Variants in TMEM45B observed in about 807,000 individuals in gnomAD.
The protein encoded by TMEM45B is transmembrane protein 45B.
Under a neutral mutation model 27.3 loss-of-function variants are expected in TMEM45B, and 29 were observed. The observed-to-expected ratio is 1.06, with a 90% CI of 0.79 to 1.45. TMEM45B has a LOEUF of 1.45. Among genes scored for constraint, TMEM45B ranks in the 40% most tolerant of loss-of-function variants. The pLI is 0.00. For missense variants in TMEM45B, 348 were observed against 343.9 expected, an observed-to-expected ratio of 1.01 and a Z score of -0.09; for synonymous variants, 143 against 134.7, an observed-to-expected ratio of 1.06 and a Z score of -0.43.
intron 1 of TMEM45B, among the ~76,000 whole-genome samples, chr11:129,842,303 T>A (rs952785514): frequency 6.6e-6 from 1 of 152,192 alleles, no homozygotes; most frequent in Non-Finnish European, 1.5e-5. Context: ...AGATTTTTTT[T>A]AAAACTCAAC....
At position 129,852,635 on chromosome 11, in the gene TMEM45B, A is replaced by G. The variant is rs780900897; in HGVS notation, c.153A>G (p.Ala51=). The change falls in exon 2 of 6, where the codon GCA becomes GCG. Residue 51 remains alanine (A), a synonymous_variant. Coordinates refer to ENST00000281441, the MANE Select transcript of TMEM45B (RefSeq NM_138788.5). ...YYQRLEIVEA[A]IRTLFSVTGI... ...AGCGTCTCGAGATCGTCGAAGCCGC[A>G]ATTAGGACTTTGTTTTCCGTCACTG... is the stretch of plus-strand genomic sequence containing the variant. The G allele has an allele frequency of 1.1e-5, 18 of 1,608,690 alleles. No homozygotes were observed. Among genetic ancestry groups the G allele is most frequent in the Non-Finnish European group, 1.5e-5 (18 of 1,175,528 alleles).
chr11:129,857,346 C>A lies in TMEM45B; in HGVS notation c.604C>A (p.Pro202Thr). 2 of 1,614,192 alleles carry A rather than the reference C, an allele frequency of 1.2e-6. No individual in the cohort carries two copies. Among genetic ancestry groups the A allele is most frequent in the Non-Finnish European group, 1.7e-6 (2 of 1,180,040 alleles). The stretch of plus-strand genomic sequence containing the variant: ...TGTGCTGTTCCCACCTTTTGGAACA[C>A]CCGAATGGGACCAGAAGGATGATGC... ...GFVLFPPFGT[P>T]EWDQKDDANL... is the part of the protein sequence containing the mutation. Residue 202 changes from proline to threonine, a missense_variant, in exon 5 of 6, where the codon CCC becomes ACC. Physicochemically the swap from Pro to Thr is conservative, Grantham distance 38. Coordinates refer to ENST00000281441, the MANE Select transcript of TMEM45B (RefSeq NM_138788.5).
At chr11:129,832,369 C>G (rs747500925) in intron 1 of TMEM45B, among the ~76,000 whole-genome samples, 1 of 152,076 alleles carries the variant, frequency 6.6e-6, no homozygotes, top group Non-Finnish European at 1.5e-5. Flanking sequence ...GACTGTGTCT[C>G]AAATAAATAA....
intron 1 of TMEM45B, among the ~76,000 whole-genome samples, chr11:129,817,945 A>C (rs1947371704): frequency 6.6e-6 from 1 of 152,218 alleles, no homozygotes; most frequent in Admixed American, 6.5e-5. Context: ...TTTTACTGTA[A>C]GAGAATTAAA....
chr11:129,833,917 G>A (rs1161258334), intron 1 of TMEM45B, among the ~76,000 whole-genome samples: 1 of 152,246 alleles, frequency 6.6e-6, no homozygotes, highest in Non-Finnish European at 1.5e-5. Context: ...CAGACTTCTA[G>A]CTTCCAGAAC....
At chr11:129,818,884 A>G (rs568450646) in intron 1 of TMEM45B, among the ~76,000 whole-genome samples, 2 of 152,316 alleles carry the variant, frequency 1.3e-5, no homozygotes, top group South Asian at 4.1e-4. Flanking sequence ...TGCTTCCCCA[A>G]ATCTACTTCA....
At chr11:129,845,161 T>C (rs775298648) in intron 1 of TMEM45B, among the ~76,000 whole-genome samples, 11 of 152,176 alleles carry the variant, frequency 7.2e-5, no homozygotes, top group Non-Finnish European at 1.5e-4. Context: ...CAAACATAAA[T>C]ATGATATGTA....
intron 1 of TMEM45B, among the ~76,000 whole-genome samples, chr11:129,841,976 AG>A (rs1947701900): frequency 6.6e-6 from 1 of 152,244 alleles, no homozygotes; most frequent in African/African-American, 2.4e-5. Flanking sequence ...GAATCTAAAT[AG>A]AGAAATACAA....
chr11:129,849,332 A>T (rs888520371), intron 1 of TMEM45B, among the ~76,000 whole-genome samples: 5 of 152,198 alleles, frequency 3.3e-5, no homozygotes, highest in African/African-American at 1.2e-4. Context: ...GGAAGAAAGG[A>T]GTAACAACAG....
Position 129,857,310 on chromosome 11 carries a change from T to C in TMEM45B, c.571-3T>C. 6.2e-7 allele frequency: 1 copy of C among 1,614,058 alleles called. No individual in the cohort carries two copies. On this transcript the variant is annotated splice_polypyrimidine_tract_variant and splice_region_variant and intron_variant, in intron 4 of 5. Transcript: ENST00000281441. ...AGACCAACTTCTCTCTGTAATCCCC[T>C]AGATTGGGTTTGTGCTGTTCCCACC...
At chr11:129,818,511 C>T (rs2135547348) in intron 1 of TMEM45B, among the ~76,000 whole-genome samples, 1 of 152,300 alleles carries the variant, frequency 6.6e-6, no homozygotes, top group South Asian at 2.1e-4. Flanking sequence ...GAGATGGAAA[C>T]AGAGATATTG....
In TMEM45B at chr11:129,855,689, G is replaced by C. The variant is rs759012678; in HGVS notation, c.386-19G>C. On this transcript the variant is annotated intron_variant, in intron 3 of 5. Transcript: ENST00000281441. ...AAAGCCAAGCGTAGCCCTGACAGCT[G>C]CCATCTGGTTTGTGGCAGGTTTCCT... 2 of 1,613,384 alleles carry C rather than the reference G, an allele frequency of 1.2e-6. No individual in the cohort carries two copies. Among genetic ancestry groups the C allele is most frequent in the Non-Finnish European group, 1.7e-6 (2 of 1,179,532 alleles).
At chr11:129,828,969 G>A (rs1947518128) in intron 1 of TMEM45B, among the ~76,000 whole-genome samples, 1 of 152,204 alleles carries the variant, frequency 6.6e-6, no homozygotes, top group African/African-American at 2.4e-5. Context: ...CACGAATAGT[G>A]TACCAGCACC....
At chr11:129,842,424 A>G (rs189890687) in intron 1 of TMEM45B, among the ~76,000 whole-genome samples, 2 of 152,366 alleles carry the variant, frequency 1.3e-5, no homozygotes, top group East Asian at 3.9e-4. Context: ...TCAAAACAAT[A>G]TAGTACTGGC....
In TMEM45B at chr11:129,857,468, A is replaced by G. The variant is rs1947947087; in HGVS notation, c.716+10A>G. The G allele has an allele frequency of 5.6e-6, 9 of 1,613,916 alleles. No homozygotes were observed. The highest frequency in any genetic ancestry group is 7.6e-6 in the Non-Finnish European group (9 of 1,179,930). On this transcript the variant is annotated intron_variant, in intron 5 of 5. Transcript: ENST00000281441. ...ATTCTCTTGTTTACTGGTATGTCTG[A>G]GACTTCAGTGAAGCTTTTCCTCCTA...
chr11:129,847,088 G>T (rs1208869068), intron 1 of TMEM45B, among the ~76,000 whole-genome samples: 1 of 152,220 alleles, frequency 6.6e-6, no homozygotes, highest in Non-Finnish European at 1.5e-5. Context: ...AAATAGCAGG[G>T]TGGGGAAGAG....
In TMEM45B at chr11:129,857,170, GA is replaced by G. The variant is rs1198700016; in HGVS notation, c.571-139del. 53 of 976,986 alleles carry G rather than the reference GA, an allele frequency of 5.4e-5. No individual in the cohort carries two copies. In the East Asian group the frequency reaches 1.3e-3, roughly 24 times the overall value. 60.5% of individuals were successfully genotyped at this position (976,986 alleles called of 1,614,324 possible). ...CCTGGCCAGAGCCATTTTTCTATGT[GA>G]AAAGGCCTTTCTATGCTAACGAAGT... On this transcript the variant is annotated intron_variant, in intron 4 of 5. Coordinates refer to ENST00000281441, the MANE Select transcript of TMEM45B (RefSeq NM_138788.5).
chr11:129,816,882 C>T (rs190099981), intron 1 of TMEM45B, among the ~76,000 whole-genome samples: 2,214 of 151,114 alleles, frequency 0.015, 44 homozygotes, highest in African/African-American at 0.049. Context: ...GGACTACTGG[C>T]GCCCGCCACC....
chr11:129,819,955 T>G (rs1325613740), intron 1 of TMEM45B, among the ~76,000 whole-genome samples: 1 of 152,132 alleles, frequency 6.6e-6, no homozygotes, highest in Non-Finnish European at 1.5e-5. Flanking sequence ...ACATACACAC[T>G]GTTAACGGTG....
Sources: gnomAD v4.1 joint callset for allele counts (sites outside exome capture counted in the v4.1 genomes callset) on GRCh38, gnomAD v4.1.1 for gene constraint, MANE v1.5 for transcripts, NCBI Gene and HGNC (gene_info 2026-07-23, HGNC 2026-07-21) for gene names.